The following IFT122 variants were observed in gnomAD, a reference collection of about 807,000 sequenced individuals.
IFT122 encodes the protein intraflagellar transport protein 122 homolog.
IFT122 carries 118 observed loss-of-function variants against 161.6 expected under a neutral mutation model. The ratio of observed to expected loss-of-function variants is 0.73; its 90% CI spans 0.63 to 0.85. The LOEUF is 0.85. IFT122 is among the 40% of genes least tolerant of loss of function. The pLI is 0.00. For synonymous variants in IFT122, 550 were observed against 602.4 expected, an observed-to-expected ratio of 0.91 and a Z score of 1.27; for missense variants, 1,381 against 1,579.6, an observed-to-expected ratio of 0.87 and a Z score of 2.13.
intron 19 of IFT122, among the ~76,000 whole-genome samples, chr3:129,502,435 G>A (rs535897421): frequency 1.3e-5 from 2 of 152,294 alleles, no homozygotes; most frequent in Admixed American, 1.3e-4. Context: ...ACCTGGTAGG[G>A]GATTAGGAGA....
chr3:129,494,317 A>G (rs756361469), intron 17 of IFT122, among the ~76,000 whole-genome samples: 24 of 151,976 alleles, frequency 1.6e-4, no homozygotes, highest in Non-Finnish European at 2.6e-4. Context: ...AAGTGTAGGG[A>G]TCACAGGTGT....
chr3:129,473,898 T>C (rs1444596242), intron 9 of IFT122, among the ~76,000 whole-genome samples: 1 of 151,164 alleles, frequency 6.6e-6, no homozygotes, highest in African/African-American at 2.5e-5. Context: ...AAATGGTTGT[T>C]GTTTATAGTT....
rs2082911676 is a variant in IFT122, at chr3:129,512,160, T to C, written c.2887-152T>C. 26 of 732,776 alleles carry C rather than the reference T, an allele frequency of 3.5e-5. 1 individual carries two copies. In the South Asian group the frequency reaches 3.7e-4, roughly 10 times the overall value. The allele number at this position is 732,776 out of a possible 1,614,324, so 45.4% of individuals were successfully genotyped here. ...GTTAAAGACCAGATGAGACAGTGGC[T>C]ATATGGCGCTCAGCACACAGTAGGA... On this transcript the variant is annotated intron_variant, in intron 23 of 29. Coordinates refer to ENST00000348417, the MANE Select transcript of IFT122 (RefSeq NM_052989.3).
Position 129,516,721 on chromosome 3 carries a change from CACACAG to C in IFT122, c.3266-746_3266-741del, listed in dbSNP as rs1248616687. Among the ~76,000 whole-genome samples the C allele has an allele frequency of 2.8e-3, 304 of 108,838 alleles. 14 individuals carry two copies. The highest frequency in any genetic ancestry group is 0.012 in the East Asian group (37 of 3,068). 71.4% of individuals were successfully genotyped at this position (108,838 alleles called of 152,430 possible). ...ACACACACACACACACACACACACA[CACACAG>C]AGAGACTGCCCCTGCACACACACAC... On this transcript the variant is annotated intron_variant, in intron 26 of 29. Coordinates refer to ENST00000348417, the MANE Select transcript of IFT122 (RefSeq NM_052989.3).
intron 18 of IFT122, among the ~76,000 whole-genome samples, chr3:129,497,231 G>A (rs1471621511): frequency 6.6e-6 from 1 of 152,154 alleles, no homozygotes; most frequent in African/African-American, 2.4e-5. Context: ...TCACGCCACT[G>A]CATTCCAGCC....
At chr3:129,456,501 G>GT (rs145715893) in intron 3 of IFT122, among the ~76,000 whole-genome samples, 15,934 of 152,148 alleles carry the variant, frequency 0.1, 1,259 homozygotes, top group African/African-American at 0.22. Flanking sequence ...GCTGGGCATG[G>GT]TGGTGTGTGC....
intron 5 of IFT122, 128 bp downstream of exon 5, chr3:129,461,432 T>C: frequency 1.3e-6 from 1 of 750,634 alleles, no homozygotes; most frequent in Non-Finnish European, 2.4e-6. Context: ...CTTCAATGGC[T>C]GAGGGGAGGC....
intron 13 of IFT122, among the ~76,000 whole-genome samples, chr3:129,480,964 G>T (rs1261315633): frequency 3.3e-5 from 5 of 152,150 alleles, no homozygotes; most frequent in Admixed American, 3.3e-4. Context: ...GAGATAGGAG[G>T]ATCACTTTGA....
At chr3:129,455,151 T>G (rs1420591945) in intron 3 of IFT122, among the ~76,000 whole-genome samples, 5 of 151,982 alleles carry the variant, frequency 3.3e-5, no homozygotes, top group African/African-American at 1.2e-4. Context: ...GTTTCTGATT[T>G]CTCCTTTAAG....
chr3:129,479,659 G>C, intron 12 of IFT122, 126 bp from the exon 13 acceptor site: 1 of 1,192,746 alleles, frequency 8.4e-7, no homozygotes, highest in South Asian at 1.2e-5. Flanking sequence ...GGTCTACATT[G>C]GGTTAGATAG....
chr3:129,515,727 A>G, intron 26 of IFT122, 128 bp downstream of exon 26: 3 of 823,354 alleles, frequency 3.6e-6, no homozygotes, highest in Non-Finnish European at 6.2e-6. Context: ...TTATGAAATG[A>G]GGACACTCTG....
rs201252917 is a variant in IFT122 at position 129,476,940 on chromosome 3, G to GTTTTTTT, written c.1147+143_1147+144insTTTTTTT. 1.8e-5 allele frequency: 13 copies of GTTTTTTT among 715,760 alleles called. 1 individual carries two copies. The highest frequency in any genetic ancestry group is 7.8e-5 in the African/African-American group (4 of 51,080). 44.3% of individuals were successfully genotyped at this position (715,760 alleles called of 1,614,324 possible). A position where few individuals can be genotyped will look rare whatever the true frequency, so the allele number is the denominator to read the frequency against. Reference sequence around the variant, plus strand: ...CTGTTAGCCACTGGGTCTGTGTCTTGTTTTCTTTTTTTTTTTTTTTTGGTG... The same window carrying GTTTTTTT: ...CTGTTAGCCACTGGGTCTGTGTCTTGTTTTTTTTTTTCTTTTTTTTTTTTTTTTGGTG... On this transcript the variant is annotated intron_variant, in intron 11 of 29. Transcript: ENST00000348417.
chr3:129,496,709 A>C (rs1169080918), intron 18 of IFT122, among the ~76,000 whole-genome samples: 1 of 152,134 alleles, frequency 6.6e-6, no homozygotes, highest in Non-Finnish European at 1.5e-5. Flanking sequence ...TTTTCACCTT[A>C]GTGATTTCTT....
At chr3:129,469,668 T>C (rs1361475822) in intron 9 of IFT122, among the ~76,000 whole-genome samples, 1 of 152,164 alleles carries the variant, frequency 6.6e-6, no homozygotes, top group African/African-American at 2.4e-5. Flanking sequence ...AGCAGTGAAA[T>C]TATATGCCCA....
chr3:129,483,462 T>A, intron 14 of IFT122, 23 bp from the exon 15 acceptor site: 1 of 1,608,080 alleles, frequency 6.2e-7, no homozygotes. Flanking sequence ...TCTCACAGGA[T>A]CCCCACTGTC....
chr3:129,481,030 G>A (rs372597517), intron 13 of IFT122, among the ~76,000 whole-genome samples: 8 of 152,222 alleles, frequency 5.3e-5, no homozygotes, highest in East Asian at 1.9e-4. Context: ...TAGCCACTGC[G>A]ATCAGCCTGG....
intron 19 of IFT122, among the ~76,000 whole-genome samples, chr3:129,500,595 G>A (rs2081405282): frequency 6.6e-6 from 1 of 152,206 alleles, no homozygotes; most frequent in Admixed American, 6.5e-5. Context: ...GAGGAACCAT[G>A]GATATCTTCT....
intron 24 of IFT122, chr3:129,513,418 AG>A (rs1328298253): frequency 6.6e-6 from 1 of 152,288 alleles, no homozygotes; most frequent in Non-Finnish European, 1.5e-5. Context: ...AGAGGATTCC[AG>A]GCCCATTATG....
At chr3:129,459,231 T>G in intron 4 of IFT122, 1 of 447,008 alleles carries the variant, frequency 2.2e-6, no homozygotes, top group South Asian at 1.6e-5. Flanking sequence ...TGGTGACTGA[T>G]CAGTATTGCT....
Sources: gnomAD v4.1 joint callset for allele counts (sites outside exome capture counted in the v4.1 genomes callset) on GRCh38, gnomAD v4.1.1 for gene constraint, MANE v1.5 for transcripts, NCBI Gene and HGNC (gene_info 2026-07-23, HGNC 2026-07-21) for gene names.